The following ZIM2 variants were observed in gnomAD, a reference collection of about 807,000 sequenced individuals.
ZIM2 encodes zinc finger protein 656.
In ZIM2, 14 loss-of-function variants were observed where a neutral mutation model predicts 38.6. The ratio of observed to expected loss-of-function variants is 0.36; its 90% CI spans 0.24 to 0.57. The LOEUF is 0.57. ZIM2 is among the 20% of genes least tolerant of loss of function. ZIM2 has a pLI of 0.81. For synonymous variants in ZIM2, 247 were observed against 245.8 expected (o/e 1.00, Z -0.04); for missense variants, 680 against 695.1 (o/e 0.98, Z 0.24).
intron 9 of ZIM2, chr19:56,815,169 G>A (rs1232910018): frequency 1.9e-6 from 3 of 1,613,876 alleles, no homozygotes; most frequent in East Asian, 2.2e-5. Flanking sequence ...CCATGTCTGA[G>A]CCTTGAATGA....
At chr19:56,781,878 T>G in intron 11 of ZIM2, 75 bp downstream of exon 11, 1 of 1,547,388 alleles carries the variant, frequency 6.5e-7, no homozygotes, top group African/African-American at 1.4e-5. Context: ...CCATTACTGA[T>G]GAGAGGACAC....
At chr19:56,824,564 G>T in intron 3 of ZIM2, 137 bp from the exon 4 acceptor site, 3 of 1,614,128 alleles carry the variant, frequency 1.9e-6, no homozygotes, top group Admixed American at 1.7e-5. Context: ...GATGACATCC[G>T]GCTCCTTAGT....
chr19:56,806,090 G>C (rs2047743475), intron 9 of ZIM2, among the ~76,000 whole-genome samples: 1 of 152,126 alleles, frequency 6.6e-6, no homozygotes, highest in Non-Finnish European at 1.5e-5. Context: ...ATATATAATA[G>C]AGTGTGCAAA....
At chr19:56,815,413 A>C (rs745309869) in intron 9 of ZIM2, 1 of 1,614,120 alleles carries the variant, frequency 6.2e-7, no homozygotes, top group Non-Finnish European at 8.5e-7. Flanking sequence ...AGTAGGGGCC[A>C]AGCTGCGAAT....
chr19:56,829,761 C>A (rs2061407046), intron 2 of ZIM2, among the ~76,000 whole-genome samples: 1 of 152,228 alleles, frequency 6.6e-6, no homozygotes, highest in African/African-American at 2.4e-5. Context: ...GAAATTTGCA[C>A]CTGCCAGGGC....
chr19:56,816,684 A>T lies in ZIM2; in HGVS notation c.490+1062T>A, dbSNP rs375629814. On this transcript the variant is annotated intron_variant, in intron 9 of 12. Transcript: ENST00000629319. Reference sequence around the variant, plus strand: ...CACGCTCATTATCTTTGTCATCCCCAAAGTGGATTTTCTGGTGCTCAATCA... The same window carrying T: ...CACGCTCATTATCTTTGTCATCCCCTAAGTGGATTTTCTGGTGCTCAATCA... The T allele has an allele frequency of 1.5e-5, 24 of 1,613,982 alleles. No individual in the cohort carries two copies. The highest frequency in any genetic ancestry group is 1.9e-5 in the Non-Finnish European group (23 of 1,180,008).
At chr19:56,792,098 G>A (rs866652551) in intron 9 of ZIM2, among the ~76,000 whole-genome samples, 2 of 149,230 alleles carry the variant, frequency 1.3e-5, no homozygotes. Context: ...TAAGAAATGT[G>A]AGGCAAGGTG....
chr19:56,795,709 T>C (rs1169713572), intron 9 of ZIM2, among the ~76,000 whole-genome samples: 4 of 151,938 alleles, frequency 2.6e-5, no homozygotes, highest in Non-Finnish European at 2.9e-5. Context: ...CTGTTGGTGG[T>C]GGGCGCCTGT....
rs748431268 is a variant in ZIM2 at position 56,816,633 on chromosome 19, CTCACGT to C, written c.490+1107_490+1112del. On this transcript the variant is annotated intron_variant, in intron 9 of 12. Transcript: ENST00000629319. ...GGCTGGGCCTAAAGGTTTCCCCGCG[CTCACGT>C]TCACGTTCACGTTCATGTTCACGCT... 1.6e-4 allele frequency: 259 copies of C among 1,613,764 alleles called. 1 individual carries two copies. The highest frequency in any genetic ancestry group is 3.3e-4 in the Middle Eastern group (2 of 6,062).
At position 56,774,699 on chromosome 19, in the gene ZIM2, C is replaced by G; in HGVS notation, c.1666G>C (p.Asp556His). The change falls in exon 13 of 13, where the codon GAT becomes CAT. Residue 556 changes from aspartate (D) to histidine (H), a missense_variant. Physicochemically the swap from Asp to His is moderately conservative, Grantham distance 81. Coordinates refer to ENST00000629319, the MANE Select transcript of ZIM2 (RefSeq NM_001387356.1). ...LHSQEKTVEC[D>H]HC is the part of the protein sequence containing the mutation. The stretch of plus-strand genomic sequence containing the variant: ...TGACTAAAGGTTTCTCAACAGTGAT[C>G]GCACTCAACAGTTTTCTCTTGAGAA... 5 of 1,613,772 alleles carry G rather than the reference C, an allele frequency of 3.1e-6. No individual in the cohort carries two copies. The highest frequency in any genetic ancestry group is 3.4e-6 in the Non-Finnish European group (4 of 1,179,824).
chr19:56,795,447 C>A (rs1305158092), intron 9 of ZIM2, among the ~76,000 whole-genome samples: 1 of 152,256 alleles, frequency 6.6e-6, no homozygotes, highest in African/African-American at 2.4e-5. Flanking sequence ...CTATCCTACC[C>A]CGGGCCCAGC....
rs776843497 is a variant in ZIM2 at position 56,775,112 on chromosome 19, T to C, written c.1253A>G (p.Asn418Ser). ...CTGGACGGAAGGCTTTCTACCTTCATTGCAGCCAGAAGTCTTCCTACCAGA... is the reference window on the plus strand; with the variant it reads ...CTGGACGGAAGGCTTTCTACCTTCACTGCAGCCAGAAGTCTTCCTACCAGA... ...THSGRKTSGC[N>S]EGRKPSVQCA... is the part of the protein sequence containing the mutation. Residue 418 changes from asparagine (N) to serine (S), a missense_variant, in exon 13 of 13, where the codon AAT becomes AGT. By Grantham distance (46) the Asn-to-Ser change is conservative. Coordinates refer to ENST00000629319, the MANE Select transcript of ZIM2 (RefSeq NM_001387356.1). 6.2e-6 allele frequency: 10 copies of C among 1,614,146 alleles called. No individual in the cohort carries two copies. The highest frequency in any genetic ancestry group is 1.3e-5 in the African/African-American group (1 of 75,018).
intron 2 of ZIM2, among the ~76,000 whole-genome samples, chr19:56,831,200 T>C (rs1405269217): frequency 6.6e-6 from 1 of 152,208 alleles, no homozygotes; most frequent in Non-Finnish European, 1.5e-5. Context: ...TTTTTTCCAA[T>C]ATAAGGATAT....
At chr19:56,839,446 T>C (rs1394012649) in intron 1 of ZIM2, among the ~76,000 whole-genome samples, 2 of 140,568 alleles carry the variant, frequency 1.4e-5, no homozygotes, top group Non-Finnish European at 3.0e-5. Flanking sequence ...GATCGTCACA[T>C]CTAATGCTAC....
intron 1 of ZIM2, among the ~76,000 whole-genome samples, chr19:56,837,713 G>A (rs2146688055): frequency 6.6e-6 from 1 of 152,328 alleles, no homozygotes; most frequent in East Asian, 1.9e-4. Flanking sequence ...GGCAAAGATG[G>A]CACAGAATGA....
At chr19:56,813,760 T>C (rs1181396243) in intron 9 of ZIM2, 1 of 1,614,154 alleles carries the variant, frequency 6.2e-7, no homozygotes, top group Admixed American at 1.7e-5. Flanking sequence ...GAAGTACTTC[T>C]CATCAGCTTG....
At chr19:56,809,636 C>A (rs1423528539) in intron 9 of ZIM2, among the ~76,000 whole-genome samples, 1 of 152,128 alleles carries the variant, frequency 6.6e-6, no homozygotes, top group South Asian at 2.1e-4. Context: ...AAAAACAGTA[C>A]AGAGATGACC....
intron 2 of ZIM2, among the ~76,000 whole-genome samples, chr19:56,828,990 C>T (rs2146472881): frequency 6.6e-6 from 1 of 152,158 alleles, no homozygotes; most frequent in Middle Eastern, 3.4e-3. Flanking sequence ...TCTTTTGAAC[C>T]AGCAATTCTC....
chr19:56,836,761 G>A (rs2062153141), intron 1 of ZIM2, among the ~76,000 whole-genome samples: 1 of 152,176 alleles, frequency 6.6e-6, no homozygotes, highest in African/African-American at 2.4e-5. Context: ...CTGAGGTCAG[G>A]AGTTCGAGAC....
Sources: allele counts gnomAD v4.1 joint callset (sites outside exome capture counted in the v4.1 genomes callset), GRCh38; gene constraint gnomAD v4.1.1; transcripts MANE v1.5; gene names NCBI Gene and HGNC (gene_info 2026-07-23, HGNC 2026-07-21).